Variants in ANXA4 observed in about 807,000 individuals in gnomAD.
The protein encoded by ANXA4 is annexin A4, also known as 35-beta calcimedin.
ANXA4 carries 39 observed loss-of-function variants against 49.8 expected under a neutral mutation model. That is an observed-to-expected ratio of 0.78 (90% CI 0.61 to 1.02). ANXA4 has a LOEUF of 1.02. Among genes scored for constraint, ANXA4 ranks in the 50% least tolerant of loss-of-function variants. The pLI, the probability that ANXA4 is intolerant of heterozygous loss-of-function variation, is 0.00. For synonymous variants in ANXA4, 134 were observed against 152.5 expected (o/e 0.88, Z 0.89); for missense variants, 360 against 410.1 (o/e 0.88, Z 1.05).
chr2:69,703,364 C>T (rs1370169710), intron 2 of ANXA4, among the ~76,000 whole-genome samples: 2 of 152,000 alleles, frequency 1.3e-5, no homozygotes, highest in African/African-American at 4.8e-5. Flanking sequence ...TCTAATTTTA[C>T]ATTTTTTTCA....
intron 2 of ANXA4, among the ~76,000 whole-genome samples, chr2:69,663,282 A>C (rs1676795708): frequency 8.1e-6 from 1 of 123,594 alleles, no homozygotes; most frequent in Non-Finnish European, 1.6e-5. Context: ...GCGTGAGCCA[A>C]TGCACCCGGC....
chr2:69,675,324 C>G (rs184104427), intron 2 of ANXA4, among the ~76,000 whole-genome samples: 1 of 152,268 alleles, frequency 6.6e-6, no homozygotes, highest in East Asian at 1.9e-4. Context: ...ATTTCACTTA[C>G]GTATATGATA....
chr2:69,815,474 C>A (rs1673948903), intron 8 of ANXA4: 1 of 152,174 alleles, frequency 6.6e-6, no homozygotes, highest in African/African-American at 2.4e-5. Flanking sequence ...AACAGTAATT[C>A]TGATTGAGCA....
chr2:69,664,442 T>C (rs1049444710), intron 2 of ANXA4, among the ~76,000 whole-genome samples: 1 of 152,148 alleles, frequency 6.6e-6, no homozygotes, highest in Non-Finnish European at 1.5e-5. Context: ...TAAAGTACTT[T>C]CTAGAGTACA....
chr2:69,660,670 C>T (rs1373125893), intron 2 of ANXA4, among the ~76,000 whole-genome samples: 1 of 151,536 alleles, frequency 6.6e-6, no homozygotes, highest in Non-Finnish European at 1.5e-5. Flanking sequence ...GACATAATCA[C>T]CAAAATTTAA....
At chr2:69,822,906 TTATATA>T (rs1201230740) in intron 12 of ANXA4, among the ~76,000 whole-genome samples, 1 of 151,646 alleles carries the variant, frequency 6.6e-6, no homozygotes, top group Non-Finnish European at 1.5e-5. Flanking sequence ...AAATGACAAA[TTATATA>T]TATATATTTT....
At chr2:69,644,165 T>TTCGCGCCCCCCC (rs1553424953), upstream of ANXA4, among the ~76,000 whole-genome samples, 9 of 21,140 alleles carry the variant, frequency 4.3e-4, 4 homozygotes, top group African/African-American at 1.4e-3. Flanking sequence ...ACAACTAAGT[T>TTCGCGCCCCCCC]CCCCCCCCCC....
chr2:69,806,354 A>G (rs1408029569), intron 4 of ANXA4, 31 bp from the exon 5 acceptor site: 1 of 1,497,752 alleles, frequency 6.7e-7, no homozygotes. Flanking sequence ...TTGCTATAGC[A>G]GTTAAGCGGA....
chr2:69,677,129 A>G (rs548130038), intron 2 of ANXA4, among the ~76,000 whole-genome samples: 25 of 151,572 alleles, frequency 1.6e-4, no homozygotes, highest in African/African-American at 6.1e-4. Context: ...CCTATTTCTT[A>G]TGCATATAAT....
chr2:69,654,590 T>C (rs1676368891), intron 2 of ANXA4, among the ~76,000 whole-genome samples: 1 of 152,236 alleles, frequency 6.6e-6, no homozygotes, highest in Non-Finnish European at 1.5e-5. Context: ...ATTATGTTTA[T>C]TGACTTGCAT....
intron 1 of ANXA4, 111 bp from the exon 2 acceptor site, chr2:69,781,409 T>G: frequency 1.2e-6 from 1 of 820,426 alleles, no homozygotes; most frequent in Non-Finnish European, 2.0e-6. Context: ...TTGATTAAGT[T>G]GGGTGTCATT....
At chr2:69,739,552 T>G (rs1439005277), upstream of ANXA4, among the ~76,000 whole-genome samples, 2 of 151,498 alleles carry the variant, frequency 1.3e-5, no homozygotes, top group Non-Finnish European at 2.9e-5. Context: ...ACTAGAGGCG[T>G]GCGTCACTAG....
At chr2:69,757,798 A>G (rs1369857902) in intron 1 of ANXA4, among the ~76,000 whole-genome samples, 1 of 151,684 alleles carries the variant, frequency 6.6e-6, no homozygotes, top group Non-Finnish European at 1.5e-5. Context: ...TCTATTAATA[A>G]AAATACAAAA....
At chr2:69,771,110 A>AG (rs1671698160) in intron 1 of ANXA4, among the ~76,000 whole-genome samples, 5 of 68,484 alleles carry the variant, frequency 7.3e-5, no homozygotes, top group African/African-American at 2.4e-4. Flanking sequence ...AAAAAAAAAG[A>AG]AAAAAAAAAA....
chr2:69,727,182 C>G (rs899722524), intron 3 of ANXA4, among the ~76,000 whole-genome samples: 1 of 152,186 alleles, frequency 6.6e-6, no homozygotes, highest in African/African-American at 2.4e-5. Flanking sequence ...CCTCGTTTCA[C>G]TATTGATGGA....
intron 1 of ANXA4, among the ~76,000 whole-genome samples, chr2:69,742,662 C>G (rs1181122979): frequency 6.6e-6 from 1 of 152,170 alleles, no homozygotes; most frequent in Non-Finnish European, 1.5e-5. Context: ...GCACAGTGCC[C>G]GGCACATCGG....
chr2:69,825,771 T>C lies in ANXA4; in HGVS notation c.*256T>C, dbSNP rs41285961. 3.0e-6 allele frequency: 1 copy of C among 328,300 alleles called. No individual in the cohort carries two copies. The highest frequency in any genetic ancestry group is 5.5e-6 in the Non-Finnish European group (1 of 182,816). The allele number at this position is 328,300 out of a possible 1,614,324, so 20.3% of individuals were successfully genotyped here. ...AAAGTAGAAATAAATATGTATTCCA[T>C]GTTTTTAAAAGATTACTTTCTACTT... On this transcript the variant is annotated 3_prime_UTR_variant, in exon 13 of 13. Coordinates refer to ENST00000394295, the MANE Select transcript of ANXA4 (RefSeq NM_001153.5).
At chr2:69,816,426 G>T in intron 9 of ANXA4, 2 of 387,750 alleles carry the variant, frequency 5.2e-6, no homozygotes, top group Non-Finnish European at 9.4e-6. Context: ...ATAGAAGTTT[G>T]GCATTCTTGT....
chr2:69,695,141 CT>C (rs1234220268), intron 2 of ANXA4, among the ~76,000 whole-genome samples: 1 of 150,584 alleles, frequency 6.6e-6, no homozygotes, highest in Non-Finnish European at 1.5e-5. Flanking sequence ...AAGACTCTGT[CT>C]CAAAAAAGAA....
Sources: gnomAD v4.1 joint callset for allele counts (sites outside exome capture counted in the v4.1 genomes callset) on GRCh38, gnomAD v4.1.1 for gene constraint, MANE v1.5 for transcripts, NCBI Gene and HGNC (gene_info 2026-07-23, HGNC 2026-07-21) for gene names.